Variants in GPC5 observed in about 807,000 individuals in gnomAD.
GPC5 encodes the protein glypican 5.
A neutral mutation model predicts 53.9 loss-of-function variants in GPC5; 47 were observed. That is an observed-to-expected ratio of 0.87 (90% CI 0.69 to 1.11). GPC5 has a LOEUF of 1.11. Among genes scored for constraint, GPC5 ranks in the 50% most tolerant of loss-of-function variants. The probability of loss-of-function intolerance (pLI) is 0.00; values close to 1 mark genes in which losing one functional copy is unlikely to be tolerated. For synonymous variants in GPC5, 286 were observed against 263.3 expected (o/e 1.09, Z -0.84); for missense variants, 748 against 713.1 (o/e 1.05, Z -0.56).
intron 7 of GPC5, among the ~76,000 whole-genome samples, chr13:92,382,581 C>G (rs891217427): frequency 6.6e-6 from 1 of 151,786 alleles, no homozygotes; most frequent in South Asian, 2.1e-4. Context: ...TTGTTCACAC[C>G]AGACTCCCTA....
intron 7 of GPC5, among the ~76,000 whole-genome samples, chr13:92,285,937 C>G (rs182524842): frequency 0.014 from 2,064 of 151,922 alleles, 49 homozygotes; most frequent in African/African-American, 0.047. Context: ...AAAAAACCTA[C>G]CATCAGAGTG....
intron 7 of GPC5, among the ~76,000 whole-genome samples, chr13:92,851,303 A>G (rs1295187269): frequency 6.7e-6 from 1 of 150,214 alleles, no homozygotes; most frequent in Admixed American, 6.6e-5. Flanking sequence ...CTACCTATAA[A>G]AAATACTGAC....
chr13:92,161,889 CTT>C (rs1566462969), intron 7 of GPC5, among the ~76,000 whole-genome samples: 1 of 144,302 alleles, frequency 6.9e-6, no homozygotes, highest in Non-Finnish European at 1.5e-5. Flanking sequence ...TTCTTTATAA[CTT>C]TAATGTTTTA....
intron 6 of GPC5, among the ~76,000 whole-genome samples, chr13:92,046,070 C>T (rs1022030647): frequency 2.2e-4 from 33 of 151,766 alleles, no homozygotes; most frequent in African/African-American, 8.0e-4. Flanking sequence ...AAGATCGCAC[C>T]ACCGCACTCC....
intron 7 of GPC5, among the ~76,000 whole-genome samples, chr13:92,300,231 C>T (rs2043066321): frequency 6.6e-6 from 1 of 152,052 alleles, no homozygotes. Context: ...TCCTAAAGAC[C>T]TACATTGCAA....
At chr13:91,649,897 A>C (rs1311297191) in intron 2 of GPC5, among the ~76,000 whole-genome samples, 1 of 152,224 alleles carries the variant, frequency 6.6e-6, no homozygotes, top group Non-Finnish European at 1.5e-5. Flanking sequence ...TACTATGTTC[A>C]AATTTATAAA....
chr13:92,044,147 T>A (rs2040963295), intron 6 of GPC5, among the ~76,000 whole-genome samples: 1 of 152,242 alleles, frequency 6.6e-6, no homozygotes, highest in African/African-American at 2.4e-5. Flanking sequence ...ACGTTTCCTG[T>A]ACCAGAAAAT....
At chr13:92,312,949 C>CT (rs1168054506) in intron 7 of GPC5, among the ~76,000 whole-genome samples, 2 of 151,982 alleles carry the variant, frequency 1.3e-5, no homozygotes, top group Non-Finnish European at 2.9e-5. Flanking sequence ...TTCAAAATGC[C>CT]TTTTTTGAGG....
chr13:91,443,056 T>A (rs939997852), intron 1 of GPC5, among the ~76,000 whole-genome samples: 9 of 152,154 alleles, frequency 5.9e-5, no homozygotes, highest in African/African-American at 2.2e-4. Flanking sequence ...GTCCCATGGA[T>A]TTAAGCATAT....
intron 3 of GPC5, among the ~76,000 whole-genome samples, chr13:91,722,971 A>G (rs568605118): frequency 6.6e-6 from 1 of 152,234 alleles, no homozygotes; most frequent in African/African-American, 2.4e-5. Flanking sequence ...ATAATTTATA[A>G]CTTCCTATAA....
At chr13:92,092,539 A>G (rs2041389249) in intron 6 of GPC5, among the ~76,000 whole-genome samples, 1 of 152,176 alleles carries the variant, frequency 6.6e-6, no homozygotes, top group African/African-American at 2.4e-5. Flanking sequence ...TGAGTTCACT[A>G]ATAAAATTAT....
chr13:92,474,233 T>G (rs1266435202), intron 7 of GPC5, among the ~76,000 whole-genome samples: 2 of 152,000 alleles, frequency 1.3e-5, no homozygotes, highest in Non-Finnish European at 2.9e-5. Context: ...ATTGCACCAT[T>G]TATATTGACC....
chr13:92,586,488 A>G (rs752126564), intron 7 of GPC5, among the ~76,000 whole-genome samples: 1 of 152,230 alleles, frequency 6.6e-6, no homozygotes, highest in African/African-American at 2.4e-5. Context: ...GTTTTTAGCC[A>G]TGGGTTGTCC....
intron 2 of GPC5, among the ~76,000 whole-genome samples, chr13:91,563,326 G>T (rs4771841): frequency 0.44 from 67,295 of 151,822 alleles, 18,216 homozygotes; most frequent in East Asian, 0.71. Flanking sequence ...AAACATATAA[G>T]AAAAAATAAT....
chr13:92,185,483 A>AAT (rs2042177447), intron 7 of GPC5, among the ~76,000 whole-genome samples: 1 of 152,158 alleles, frequency 6.6e-6, no homozygotes, highest in Admixed American at 6.5e-5. Flanking sequence ...TTTTACTCTC[A>AAT]TTAAAGTCAT....
intron 7 of GPC5, among the ~76,000 whole-genome samples, chr13:92,244,897 G>A (rs1275476045): frequency 6.6e-6 from 1 of 152,048 alleles, no homozygotes; most frequent in African/African-American, 2.4e-5. Flanking sequence ...AATTAGCTGG[G>A]TGTGGTGGTG....
At chr13:92,328,606 T>C (rs902404172) in intron 7 of GPC5, among the ~76,000 whole-genome samples, 1 of 152,286 alleles carries the variant, frequency 6.6e-6, no homozygotes, top group South Asian at 2.1e-4. Context: ...CCAGAGATGG[T>C]GCTCCTTAAA....
chr13:92,198,477 AT>A (rs1171231023), intron 7 of GPC5, among the ~76,000 whole-genome samples: 1 of 152,184 alleles, frequency 6.6e-6, no homozygotes, highest in Non-Finnish European at 1.5e-5. Flanking sequence ...TTGATGACTT[AT>A]AGTTCAGATA....
At chr13:92,467,235 C>T (rs1223754642) in intron 7 of GPC5, among the ~76,000 whole-genome samples, 2 of 152,164 alleles carry the variant, frequency 1.3e-5, no homozygotes, top group South Asian at 2.1e-4. Context: ...GCTTTTCAGA[C>T]AGTGTTGGTG....
Sources: gnomAD v4.1 joint callset for allele counts (sites outside exome capture counted in the v4.1 genomes callset) on GRCh38, gnomAD v4.1.1 for gene constraint, MANE v1.5 for transcripts, NCBI Gene and HGNC (gene_info 2026-07-23, HGNC 2026-07-21) for gene names.